Variants in SHISAL2B observed in about 807,000 individuals in gnomAD.
The protein encoded by SHISAL2B is protein shisa-like-2B.
SHISAL2B carries 12 observed loss-of-function variants against 16.5 expected under a neutral mutation model. The observed-to-expected ratio is 0.73, with a 90% CI of 0.47 to 1.18. The LOEUF (loss-of-function observed/expected upper bound fraction) is 1.18. Ranked by LOEUF, SHISAL2B falls within the 50% of genes most tolerant of loss-of-function variation. The pLI, the probability that SHISAL2B is intolerant of heterozygous loss-of-function variation, is 0.00. For missense variants in SHISAL2B, 183 were observed against 193.6 expected (o/e 0.95, Z 0.33); for synonymous variants, 72 against 75.0 (o/e 0.96, Z 0.21).
chr5:64,699,942 G>T (rs1741785228), intron 2 of SHISAL2B, among the ~76,000 whole-genome samples: 1 of 152,138 alleles, frequency 6.6e-6, no homozygotes, highest in Non-Finnish European at 1.5e-5. Flanking sequence ...CTACCCCTAG[G>T]GCTCATTCTG....
At chr5:64,691,132 T>A (rs1035285409) in intron 1 of SHISAL2B, 7 of 307,348 alleles carry the variant, frequency 2.3e-5, no homozygotes, top group African/African-American at 1.5e-4. Flanking sequence ...GGGAGCCGAC[T>A]GCTCTCCCCT....
chr5:64,702,535 T>G (rs1476566300), intron 2 of SHISAL2B, among the ~76,000 whole-genome samples: 1 of 152,122 alleles, frequency 6.6e-6, no homozygotes, highest in Non-Finnish European at 1.5e-5. Flanking sequence ...TTTTCTAATA[T>G]AGTTCGAAGT....
chr5:64,707,893 T>A (rs182180699), intron 2 of SHISAL2B, among the ~76,000 whole-genome samples: 1 of 152,262 alleles, frequency 6.6e-6, no homozygotes, highest in Non-Finnish European at 1.5e-5. Context: ...GTCCTGAAAG[T>A]TTTTTCCTGT....
chr5:64,695,625 C>T lies in SHISAL2B; in HGVS notation c.310C>T (p.Leu104Phe), dbSNP rs202064052. 3 of 1,536,046 alleles carry T rather than the reference C, an allele frequency of 2.0e-6. No individual in the cohort carries two copies. The highest frequency in any genetic ancestry group is 2.4e-5 in the East Asian group (1 of 40,878). ...YTKPQRLDTG[L>F]KLQHLEASST... ...GAAACCTCAAAGATTAGACACTGGCCTTAAGCTTCAACACTTAGAGGCTTC... is the reference window on the plus strand; with the variant it reads ...GAAACCTCAAAGATTAGACACTGGCTTTAAGCTTCAACACTTAGAGGCTTC... The change falls in exon 2 of 3, where the codon CTT (leucine) becomes TTT (phenylalanine). Residue 104 changes from leucine (L) to phenylalanine (F), a missense_variant. Transcript: ENST00000389074.
chr5:64,714,552 C>A (rs1253405303), intron 2 of SHISAL2B, among the ~76,000 whole-genome samples: 1 of 151,976 alleles, frequency 6.6e-6, no homozygotes, highest in Non-Finnish European at 1.5e-5. Flanking sequence ...CCTCCTTGAG[C>A]TGTGGTGGGC....
chr5:64,707,713 A>C (rs1741893721), intron 2 of SHISAL2B, among the ~76,000 whole-genome samples: 3 of 152,242 alleles, frequency 2.0e-5, no homozygotes, highest in African/African-American at 7.2e-5. Context: ...TCAATTGTTA[A>C]AAGCTGTAAA....
Position 64,690,888 on chromosome 5 carries a change from G to A in SHISAL2B, c.191+74G>A, listed in dbSNP as rs919923806. 5 of 1,300,774 alleles carry A rather than the reference G, an allele frequency of 3.8e-6. No homozygotes were observed. In the African/African-American group the frequency reaches 6.1e-5, roughly 16 times the overall value. 80.6% of individuals were successfully genotyped at this position (1,300,774 alleles called of 1,614,324 possible). On this transcript the variant is annotated intron_variant, in intron 1 of 2. Transcript: ENST00000389074. ...GGAGGCGACAAGCGGAGCCACGCCAGGGCCAGGGAGGTTCCCCCGCGTCCC... is the reference window on the plus strand; with the variant it reads ...GGAGGCGACAAGCGGAGCCACGCCAAGGCCAGGGAGGTTCCCCCGCGTCCC...
intron 2 of SHISAL2B, among the ~76,000 whole-genome samples, chr5:64,702,570 A>G (rs1301704042): frequency 1.3e-5 from 2 of 152,102 alleles, no homozygotes; most frequent in Non-Finnish European, 2.9e-5. Context: ...ATAGTTACCT[A>G]TGGTTATCTA....
rs556507381 is a variant in SHISAL2B at position 64,693,073 on chromosome 5, T to C, written c.191+2259T>C. Among the ~76,000 whole-genome samples, 119 of 151,984 alleles carry C rather than the reference T, an allele frequency of 7.8e-4. No homozygotes were observed. In the Middle Eastern group the frequency reaches 0.01, roughly 13 times the overall value. On this transcript the variant is annotated intron_variant, in intron 1 of 2. Coordinates refer to ENST00000389074, the MANE Select transcript of SHISAL2B (RefSeq NM_001164442.2). ...CCCAGGCTGGAGTGCAGTGGCGCAA[T>C]CTCGGCTCACTGCAACCTTCGCCTT...
At chr5:64,696,358 A>G (rs1741734697) in intron 2 of SHISAL2B, among the ~76,000 whole-genome samples, 1 of 152,226 alleles carries the variant, frequency 6.6e-6, no homozygotes, top group Non-Finnish European at 1.5e-5. Context: ...TTTGAACAAT[A>G]TGAAATCAGT....
intron 2 of SHISAL2B, among the ~76,000 whole-genome samples, chr5:64,709,315 A>G (rs1435321454): frequency 1.3e-5 from 2 of 151,264 alleles, no homozygotes; most frequent in African/African-American, 2.4e-5. Context: ...GCGATAGTTT[A>G]CTGAGAATGA....
At chr5:64,709,810 T>C (rs1741932614) in intron 2 of SHISAL2B, among the ~76,000 whole-genome samples, 1 of 152,208 alleles carries the variant, frequency 6.6e-6, no homozygotes, top group Non-Finnish European at 1.5e-5. Context: ...ATTTTTTTCA[T>C]GTGTTTTTTG....
At chr5:64,710,385 C>T (rs1241462679) in intron 2 of SHISAL2B, among the ~76,000 whole-genome samples, 15 of 87,452 alleles carry the variant, frequency 1.7e-4, no homozygotes, top group African/African-American at 8.7e-4. Context: ...TGTTCTGTTC[C>T]ATTGATCTAT....
chr5:64,702,274 C>T (rs1741819040), intron 2 of SHISAL2B, among the ~76,000 whole-genome samples: 2 of 151,862 alleles, frequency 1.3e-5, no homozygotes, highest in Non-Finnish European at 2.9e-5. Context: ...GATCTTGGTT[C>T]ACCGCAACCT....
intron 2 of SHISAL2B, among the ~76,000 whole-genome samples, chr5:64,696,622 T>C (rs527977793): frequency 5.3e-5 from 8 of 152,250 alleles, no homozygotes; most frequent in African/African-American, 1.9e-4. Context: ...GGAGTGTCTG[T>C]CTTATGTGGT....
chr5:64,713,206 C>A (rs1741984908), intron 2 of SHISAL2B, among the ~76,000 whole-genome samples: 1 of 147,782 alleles, frequency 6.8e-6, no homozygotes, highest in Non-Finnish European at 1.5e-5. Context: ...TTTAGTGCTT[C>A]CTTCAGGAGC....
intron 2 of SHISAL2B, among the ~76,000 whole-genome samples, chr5:64,710,704 T>C: frequency 7.8e-6 from 1 of 127,424 alleles, no homozygotes; most frequent in African/African-American, 3.5e-5. Context: ...GTATCCTCTT[T>C]TATTTCCTTG....
At chr5:64,705,601 T>A (rs968445384) in intron 2 of SHISAL2B, among the ~76,000 whole-genome samples, 10 of 152,224 alleles carry the variant, frequency 6.6e-5, no homozygotes, top group Non-Finnish European at 1.3e-4. Flanking sequence ...TGATCTTTTA[T>A]CTTTACCTGC....
intron 2 of SHISAL2B, among the ~76,000 whole-genome samples, chr5:64,697,791 C>T (rs1741758696): frequency 6.6e-6 from 1 of 152,078 alleles, no homozygotes; most frequent in Non-Finnish European, 1.5e-5. Flanking sequence ...AGAAAAGTCC[C>T]CACCCATATG....
Sources: allele counts gnomAD v4.1 joint callset (sites outside exome capture counted in the v4.1 genomes callset), GRCh38; gene constraint gnomAD v4.1.1; transcripts MANE v1.5; gene names NCBI Gene and HGNC (gene_info 2026-07-23, HGNC 2026-07-21).